Variants in TMEM178B observed in about 807,000 individuals in gnomAD.
The protein encoded by TMEM178B is transmembrane protein 178B.
A neutral mutation model predicts 31.0 loss-of-function variants in TMEM178B; 5 were observed. The ratio of observed to expected loss-of-function variants is 0.16; its 90% CI spans 0.08 to 0.34. The LOEUF (loss-of-function observed/expected upper bound fraction) is 0.34, where lower values mean the gene tolerates loss of function less well. Ranked by LOEUF, TMEM178B falls within the 10% of genes least tolerant of loss-of-function variation. The probability of loss-of-function intolerance (pLI) is 1.00; values close to 1 mark genes in which losing one functional copy is unlikely to be tolerated. For synonymous variants in TMEM178B, 164 were observed against 164.0 expected (o/e 1.00, Z 0.00); for missense variants, 275 against 400.3 (o/e 0.69, Z 2.67).
chr7:141,105,599 G>A (rs1428390571), intron 1 of TMEM178B, among the ~76,000 whole-genome samples: 1 of 152,138 alleles, frequency 6.6e-6, no homozygotes, highest in Admixed American at 6.5e-5. Flanking sequence ...TTCATTAAAA[G>A]CACTCTTCTC....
intron 2 of TMEM178B, among the ~76,000 whole-genome samples, chr7:141,228,057 CAT>C (rs757330621): frequency 2.0e-5 from 3 of 152,162 alleles, no homozygotes; most frequent in Non-Finnish European, 4.4e-5. Context: ...CACACACACA[CAT>C]GCACACACAT....
intron 3 of TMEM178B, among the ~76,000 whole-genome samples, chr7:141,442,018 C>G (rs1444639211): frequency 6.6e-6 from 1 of 152,314 alleles, no homozygotes; most frequent in African/African-American, 2.4e-5. Context: ...GGCACAACAC[C>G]ATTTGTGTGC....
At chr7:141,094,671 G>C (rs1794930331) in intron 1 of TMEM178B, among the ~76,000 whole-genome samples, 2 of 152,210 alleles carry the variant, frequency 1.3e-5, no homozygotes, top group Admixed American at 6.5e-5. Context: ...TCTCTTTCTA[G>C]TTGCTATCTC....
intron 2 of TMEM178B, among the ~76,000 whole-genome samples, chr7:141,264,292 G>A (rs1461441316): frequency 6.6e-6 from 1 of 152,196 alleles, no homozygotes; most frequent in Non-Finnish European, 1.5e-5. Flanking sequence ...CCTTAGAGAC[G>A]ACCTCCCAGA....
chr7:141,404,655 A>G (rs1220062196), intron 2 of TMEM178B, among the ~76,000 whole-genome samples: 4 of 151,928 alleles, frequency 2.6e-5, no homozygotes, highest in African/African-American at 9.7e-5. Flanking sequence ...TTCAATTACA[A>G]CTCTAATTAA....
At chr7:141,438,407 C>G (rs1451695358) in intron 3 of TMEM178B, among the ~76,000 whole-genome samples, 4 of 152,026 alleles carry the variant, frequency 2.6e-5, no homozygotes, top group Non-Finnish European at 5.9e-5. Context: ...TCTTGTGTCT[C>G]TTCTTTCCCT....
intron 1 of TMEM178B, among the ~76,000 whole-genome samples, chr7:141,110,156 T>C (rs1795211643): frequency 6.6e-6 from 1 of 152,226 alleles, no homozygotes; most frequent in African/African-American, 2.4e-5. Flanking sequence ...ATCTTTTAAT[T>C]TGGTGTGTGG....
At chr7:141,182,568 C>A (rs144206041) in intron 1 of TMEM178B, among the ~76,000 whole-genome samples, 1 of 152,060 alleles carries the variant, frequency 6.6e-6, no homozygotes, top group South Asian at 2.1e-4. Flanking sequence ...GTCACCTGGC[C>A]GGAAAGAATT....
chr7:141,294,135 G>T (rs1171485328), intron 2 of TMEM178B, among the ~76,000 whole-genome samples: 1 of 152,042 alleles, frequency 6.6e-6, no homozygotes, highest in Non-Finnish European at 1.5e-5. Context: ...CTAAACTGTG[G>T]GTAATGGTTC....
At chr7:141,385,067 C>T (rs1468964345) in intron 2 of TMEM178B, among the ~76,000 whole-genome samples, 2 of 152,166 alleles carry the variant, frequency 1.3e-5, no homozygotes, top group Non-Finnish European at 2.9e-5. Context: ...AAATGAAACC[C>T]AAAACATTCT....
intron 3 of TMEM178B, among the ~76,000 whole-genome samples, chr7:141,454,731 G>C (rs1241126714): frequency 6.6e-6 from 1 of 152,026 alleles, no homozygotes; most frequent in Non-Finnish European, 1.5e-5. Context: ...AAGTATTGGG[G>C]ATCTTGACTG....
At chr7:141,396,887 A>G (rs1276565728) in intron 2 of TMEM178B, among the ~76,000 whole-genome samples, 1 of 152,224 alleles carries the variant, frequency 6.6e-6, no homozygotes, top group Non-Finnish European at 1.5e-5. Flanking sequence ...CTCACCATCA[A>G]TTCTGTATGG....
intron 2 of TMEM178B, chr7:141,352,883 A>G (rs1214775480): frequency 6.6e-6 from 1 of 152,260 alleles, no homozygotes; most frequent in Non-Finnish European, 1.5e-5. Flanking sequence ...ACGATTTCAT[A>G]GAAGTTTGTT....
At chr7:141,128,996 A>T (rs756615572) in intron 1 of TMEM178B, among the ~76,000 whole-genome samples, 3 of 152,228 alleles carry the variant, frequency 2.0e-5, no homozygotes, top group Non-Finnish European at 4.4e-5. Flanking sequence ...CTAAATTAAA[A>T]ATTAGAGTCT....
intron 2 of TMEM178B, among the ~76,000 whole-genome samples, chr7:141,393,339 G>C (rs1217933825): frequency 3.3e-5 from 5 of 152,200 alleles, no homozygotes. Context: ...GAAATATAAA[G>C]CACTTGAAAC....
chr7:141,456,408 TG>T (rs1412377099), intron 3 of TMEM178B, among the ~76,000 whole-genome samples: 2 of 152,096 alleles, frequency 1.3e-5, no homozygotes, highest in African/African-American at 4.8e-5. Context: ...ACCACACCCT[TG>T]TATGTTGTAG....
intron 2 of TMEM178B, among the ~76,000 whole-genome samples, chr7:141,260,595 A>G (rs765768258): frequency 6.6e-6 from 1 of 152,176 alleles, no homozygotes; most frequent in Non-Finnish European, 1.5e-5. Flanking sequence ...ATGGTCAAGT[A>G]ATCTTATTTA....
At chr7:141,125,680 G>GAAAAAA (rs774508037) in intron 1 of TMEM178B, among the ~76,000 whole-genome samples, 25 of 78,388 alleles carry the variant, frequency 3.2e-4, no homozygotes, top group Admixed American at 6.4e-4. Flanking sequence ...ACTCCATCTC[G>GAAAAAA]AAAAAAAAAA....
chr7:141,408,327 C>T (rs1174671160), intron 2 of TMEM178B, among the ~76,000 whole-genome samples: 1 of 152,218 alleles, frequency 6.6e-6, no homozygotes, highest in African/African-American at 2.4e-5. Context: ...GCTGCAGATC[C>T]TTTCATCCCA....
Sources: allele counts gnomAD v4.1 joint callset (sites outside exome capture counted in the v4.1 genomes callset), GRCh38; gene constraint gnomAD v4.1.1; transcripts MANE v1.5; gene names NCBI Gene and HGNC (gene_info 2026-07-23, HGNC 2026-07-21).